The following CLIC5 variants were observed in gnomAD, a reference collection of about 807,000 sequenced individuals.
The protein encoded by CLIC5 is chloride intracellular channel protein 5.
A neutral mutation model predicts 24.7 loss-of-function variants in CLIC5; 20 were observed. The ratio of observed to expected loss-of-function variants is 0.81; its 90% CI spans 0.57 to 1.18. The LOEUF (loss-of-function observed/expected upper bound fraction) is 1.18. CLIC5 is among the 50% of genes most tolerant of loss of function. The pLI is 0.00. For missense variants in CLIC5, 341 were observed against 326.1 expected (o/e 1.05, Z -0.35); for synonymous variants, 159 against 135.6 (o/e 1.17, Z -1.20).
At chr6:45,969,054 T>G (rs1006465943) in intron 1 of CLIC5, among the ~76,000 whole-genome samples, 2 of 151,950 alleles carry the variant, frequency 1.3e-5, no homozygotes, top group Non-Finnish European at 1.5e-5. Context: ...TAGGAGAAGG[T>G]GAAAATAACT....
intron 5 of CLIC5, chr6:45,912,779 C>A (rs984738140): frequency 1.5e-6 from 2 of 1,347,992 alleles, no homozygotes; most frequent in Admixed American, 2.0e-5. Context: ...GTGGGGCATG[C>A]AGTAGTTAAT....
At chr6:45,955,312 C>A in intron 1 of CLIC5, 68 bp from the exon 2 acceptor site, 2 of 1,118,646 alleles carry the variant, frequency 1.8e-6, no homozygotes, top group Non-Finnish European at 1.3e-6. Flanking sequence ...AAGATTGTAA[C>A]ACCCAAATGC....
chr6:46,025,606 A>G (rs2127452608), intron 1 of CLIC5, among the ~76,000 whole-genome samples: 1 of 152,356 alleles, frequency 6.6e-6, no homozygotes, highest in Middle Eastern at 3.4e-3. Context: ...GTAAAGGCCC[A>G]GCCTGGAAAT....
chr6:45,924,272 G>A (rs764639261), intron 4 of CLIC5, among the ~76,000 whole-genome samples: 30 of 152,108 alleles, frequency 2.0e-4, no homozygotes, highest in African/African-American at 5.1e-4. Context: ...TCCCCCAGCC[G>A]AAAGCCTTCA....
chr6:45,965,923 A>G (rs1015225876), intron 1 of CLIC5, among the ~76,000 whole-genome samples: 1 of 152,190 alleles, frequency 6.6e-6, no homozygotes, highest in African/African-American at 2.4e-5. Context: ...GGATATCTTG[A>G]TATTGAGCTC....
intron 4 of CLIC5, chr6:45,920,279 G>A: frequency 1.0e-6 from 1 of 984,736 alleles, no homozygotes; most frequent in Non-Finnish European, 1.2e-6. Context: ...TTTCAACTCT[G>A]CCTGTACTAG....
intron 4 of CLIC5, among the ~76,000 whole-genome samples, chr6:45,936,422 C>T (rs978512950): frequency 6.6e-6 from 1 of 152,006 alleles, no homozygotes; most frequent in Non-Finnish European, 1.5e-5. Context: ...TCAGGCTGGT[C>T]TCGAACTCCC....
the CLIC5 span, chr6:46,097,299 G>C: frequency 6.6e-6 from 1 of 152,188 alleles, no homozygotes; most frequent in Non-Finnish European, 1.5e-5. Context: ...AGGCATGTGG[G>C]TGTTCTTCAA....
At chr6:46,062,313 T>C (rs1378605769) in intron 1 of CLIC5, among the ~76,000 whole-genome samples, 1 of 152,266 alleles carries the variant, frequency 6.6e-6, no homozygotes, top group Non-Finnish European at 1.5e-5. Flanking sequence ...GGTTCAACTT[T>C]TAACAAAAGG....
At chr6:46,068,624 T>A (rs879856170) in intron 1 of CLIC5, among the ~76,000 whole-genome samples, 1 of 152,116 alleles carries the variant, frequency 6.6e-6, no homozygotes, top group Non-Finnish European at 1.5e-5. Flanking sequence ...CCTAAACCCT[T>A]GGAATGTGGC....
At chr6:45,939,210 C>G (rs1325288598) in intron 4 of CLIC5, among the ~76,000 whole-genome samples, 1 of 150,284 alleles carries the variant, frequency 6.7e-6, no homozygotes, top group African/African-American at 2.5e-5. Flanking sequence ...GTGTCCTCTC[C>G]TCTCCTCTTT....
intron 1 of CLIC5, among the ~76,000 whole-genome samples, chr6:46,026,716 T>C (rs1194262598): frequency 6.6e-6 from 1 of 152,318 alleles, no homozygotes; most frequent in South Asian, 2.1e-4. Context: ...GGGGATAAAT[T>C]TATGAGTAAG....
intron 1 of CLIC5, among the ~76,000 whole-genome samples, chr6:45,993,763 A>T (rs547596477): frequency 4.6e-5 from 7 of 152,326 alleles, no homozygotes; most frequent in African/African-American, 1.4e-4. Context: ...GTGGGAACAG[A>T]TTTGCTAACA....
the CLIC5 span, among the ~76,000 whole-genome samples, chr6:46,091,726 T>C: frequency 6.6e-6 from 1 of 152,346 alleles, no homozygotes; most frequent in African/African-American, 2.4e-5. Flanking sequence ...TTCCATTGTG[T>C]ATATATGTCA....
At chr6:45,887,632 G>A (rs1451599585) in intron 6 of CLIC5, among the ~76,000 whole-genome samples, 7 of 152,166 alleles carry the variant, frequency 4.6e-5, no homozygotes. Context: ...CACCATCCCT[G>A]ATTTGTCACA....
intron 1 of CLIC5, among the ~76,000 whole-genome samples, chr6:45,968,749 G>T (rs1262466449): frequency 6.6e-6 from 1 of 152,210 alleles, no homozygotes; most frequent in African/African-American, 2.4e-5. Flanking sequence ...CTATGAATTT[G>T]TAATAGTGAC....
chr6:45,917,449 G>T (rs1581732032), intron 4 of CLIC5, among the ~76,000 whole-genome samples: 1 of 152,162 alleles, frequency 6.6e-6, no homozygotes, highest in Non-Finnish European at 1.5e-5. Flanking sequence ...TGGAGAATGG[G>T]TGATTTTAAG....
Position 45,902,889 on chromosome 6 carries a change from A to G in CLIC5, c.*199T>C. ...GTGGACTGTGTCTATCATTTCTGCT[A>G]GATTCCTATGTGAGGAGGCCAGGGA... On this transcript the variant is annotated 3_prime_UTR_variant, in exon 6 of 6. Transcript: ENST00000339561. The G allele has an allele frequency of 1.7e-6, 1 of 591,552 alleles. No individual in the cohort carries two copies. The highest frequency in any genetic ancestry group is 1.9e-5 in the African/African-American group (1 of 52,790). The allele number at this position is 591,552 out of a possible 1,614,324, so 36.6% of individuals were successfully genotyped here. A position where few individuals can be genotyped will look rare whatever the true frequency, so the allele number is the denominator to read the frequency against.
At chr6:46,025,823 AGT>A (rs1487133118) in intron 1 of CLIC5, among the ~76,000 whole-genome samples, 1 of 152,150 alleles carries the variant, frequency 6.6e-6, no homozygotes, top group East Asian at 1.9e-4. Flanking sequence ...TTCTCATGAT[AGT>A]GAGTTCCCAT....
Sources: gnomAD v4.1 joint callset for allele counts (sites outside exome capture counted in the v4.1 genomes callset) on GRCh38, gnomAD v4.1.1 for gene constraint, MANE v1.5 for transcripts, NCBI Gene and HGNC (gene_info 2026-07-23, HGNC 2026-07-21) for gene names.